Variants in GALNT13 observed in about 807,000 individuals in gnomAD.
The protein encoded by GALNT13 is polypeptide N-acetylgalactosaminyltransferase 13.
Under a neutral mutation model 64.2 loss-of-function variants are expected in GALNT13, and 28 were observed. That is an observed-to-expected ratio of 0.44 (90% confidence interval 0.32 to 0.60). The LOEUF is 0.60. GALNT13 is among the 20% of genes least tolerant of loss of function. The pLI is 0.05. For synonymous variants in GALNT13, 214 were observed against 224.6 expected, an observed-to-expected ratio of 0.95 and a Z score of 0.42; for missense variants, 577 against 669.8, an observed-to-expected ratio of 0.86 and a Z score of 1.53.
chr2:154,260,152 T>G (rs1487584533), intron 8 of GALNT13, among the ~76,000 whole-genome samples: 1 of 151,836 alleles, frequency 6.6e-6, no homozygotes, highest in African/African-American at 2.4e-5. Flanking sequence ...TCCCAAAGAG[T>G]TGCGATTACA....
At chr2:153,564,943 CAT>C in the GALNT13 span, among the ~76,000 whole-genome samples, 6 of 152,116 alleles carry the variant, frequency 3.9e-5, no homozygotes, top group African/African-American at 1.4e-4. Context: ...GAGCGGGCCG[CAT>C]GGTAGAAAAC....
chr2:153,995,343 C>T (rs1695450735), intron 3 of GALNT13, among the ~76,000 whole-genome samples: 1 of 152,052 alleles, frequency 6.6e-6, no homozygotes, highest in Non-Finnish European at 1.5e-5. Flanking sequence ...TAATTTTCTA[C>T]ACTCAGTGCT....
the GALNT13 span, among the ~76,000 whole-genome samples, chr2:153,738,384 C>A: frequency 6.6e-6 from 1 of 151,978 alleles, no homozygotes; most frequent in African/African-American, 2.4e-5. Context: ...CTCATGATTA[C>A]TTTTAAAGCC....
the GALNT13 span, among the ~76,000 whole-genome samples, chr2:153,559,846 G>A: frequency 1.3e-5 from 2 of 152,188 alleles, no homozygotes; most frequent in East Asian, 1.9e-4. Context: ...AAGAAAAATA[G>A]GGTAAGTTTT....
the GALNT13 span, among the ~76,000 whole-genome samples, chr2:153,354,861 T>G: frequency 6.6e-6 from 1 of 152,230 alleles, no homozygotes; most frequent in South Asian, 2.1e-4. Context: ...GCCAAAAGGT[T>G]GTTATCCTAA....
intron 9 of GALNT13, among the ~76,000 whole-genome samples, chr2:154,358,995 A>C (rs2105279222): frequency 6.6e-6 from 1 of 152,230 alleles, no homozygotes; most frequent in South Asian, 2.1e-4. Context: ...ATCGTAGCCC[A>C]TCTGTTCGGT....
chr2:153,612,919 T>G, the GALNT13 span, among the ~76,000 whole-genome samples: 1 of 152,140 alleles, frequency 6.6e-6, no homozygotes, highest in African/African-American at 2.4e-5. Context: ...TTTGGAATTG[T>G]TTCAACCATT....
intron 3 of GALNT13, among the ~76,000 whole-genome samples, chr2:153,999,126 A>T (rs903332718): frequency 1.3e-5 from 2 of 152,208 alleles, no homozygotes; most frequent in Admixed American, 6.5e-5. Flanking sequence ...AGCTGGAGGC[A>T]TCATGCCACT....
intron 3 of GALNT13, among the ~76,000 whole-genome samples, chr2:154,015,240 C>T (rs1041330750): frequency 2.0e-5 from 3 of 151,996 alleles, no homozygotes; most frequent in Non-Finnish European, 2.9e-5. Context: ...GAATTATTGC[C>T]ATCAGAATAA....
intron 4 of GALNT13, among the ~76,000 whole-genome samples, chr2:154,177,403 G>T (rs1685711765): frequency 1.3e-5 from 2 of 152,092 alleles, no homozygotes; most frequent in Non-Finnish European, 1.5e-5. Context: ...GCCAGGAGCT[G>T]GGGAGGGGGA....
At chr2:153,566,337 C>A in the GALNT13 span, among the ~76,000 whole-genome samples, 1 of 115,912 alleles carries the variant, frequency 8.6e-6, no homozygotes, top group South Asian at 2.8e-4. Flanking sequence ...TCTTTAAAAT[C>A]TTCTAATCAC....
the GALNT13 span, among the ~76,000 whole-genome samples, chr2:153,718,986 G>C: frequency 5.3e-5 from 8 of 152,022 alleles, no homozygotes; most frequent in African/African-American, 7.2e-5. Context: ...GTCCAGAGAA[G>C]GATTTTCCAC....
the GALNT13 span, among the ~76,000 whole-genome samples, chr2:153,837,270 A>AT: frequency 6.6e-6 from 1 of 151,980 alleles, no homozygotes; most frequent in South Asian, 2.1e-4. Context: ...GATGATGAGC[A>AT]TTTTTTCATG....
the GALNT13 span, among the ~76,000 whole-genome samples, chr2:153,701,751 A>G: frequency 6.6e-6 from 1 of 152,250 alleles, no homozygotes; most frequent in African/African-American, 2.4e-5. Flanking sequence ...ACTAATCATT[A>G]GAGAAATGCA....
intron 3 of GALNT13, among the ~76,000 whole-genome samples, chr2:154,121,900 G>A (rs13004045): frequency 6.6e-6 from 1 of 152,044 alleles, no homozygotes; most frequent in Non-Finnish European, 1.5e-5. Context: ...GAAGTGGTAG[G>A]AGAGGAATTC....
chr2:153,109,789 G>C, the GALNT13 span, among the ~76,000 whole-genome samples: 3 of 152,118 alleles, frequency 2.0e-5, no homozygotes, highest in African/African-American at 7.2e-5. Flanking sequence ...TAAAGGTTCA[G>C]TGGTGATGTG....
At chr2:153,413,840 AT>A in the GALNT13 span, among the ~76,000 whole-genome samples, 1 of 152,202 alleles carries the variant, frequency 6.6e-6, no homozygotes, top group Non-Finnish European at 1.5e-5. Context: ...CAGTATAGAC[AT>A]TTTTTAGAAT....
chr2:153,348,640 C>T, the GALNT13 span, among the ~76,000 whole-genome samples: 2 of 152,120 alleles, frequency 1.3e-5, no homozygotes, highest in South Asian at 4.1e-4. Flanking sequence ...TATAGAATGT[C>T]CCAGTTCTCA....
At chr2:153,171,738 A>G in the GALNT13 span, among the ~76,000 whole-genome samples, 4 of 152,336 alleles carry the variant, frequency 2.6e-5, no homozygotes, top group African/African-American at 9.6e-5. Flanking sequence ...ACAGCTGAGC[A>G]CTAAATATAA....
Sources: gnomAD v4.1 joint callset for allele counts (sites outside exome capture counted in the v4.1 genomes callset) on GRCh38, gnomAD v4.1.1 for gene constraint, MANE v1.5 for transcripts, NCBI Gene and HGNC (gene_info 2026-07-23, HGNC 2026-07-21) for gene names.